Variants in MRPS16 observed in about 807,000 individuals in gnomAD.
MRPS16 encodes the protein mitochondrial ribosomal protein S16, also known as small ribosomal subunit protein bS16m.
MRPS16 carries 5 observed loss-of-function variants against 11.0 expected under a neutral mutation model. The ratio of observed to expected loss-of-function variants is 0.46; its 90% CI spans 0.24 to 0.96. MRPS16 has a LOEUF of 0.96. Among genes scored for constraint, MRPS16 ranks in the 40% least tolerant of loss-of-function variants. The pLI, the probability that MRPS16 is intolerant of heterozygous loss-of-function variation, is 0.20. For synonymous variants in MRPS16, 76 were observed against 65.0 expected (o/e 1.17, Z -0.81); for missense variants, 179 against 174.4 (o/e 1.03, Z -0.15).
rs2271906 is a variant in MRPS16 at position 73,252,040 on chromosome 10, G to A, written c.14-17C>T. The A allele has an allele frequency of 2.8e-4, 451 of 1,609,704 alleles. 5 individuals are homozygous for A. The East Asian group carries it at 5.6e-3, about 20-fold the overall frequency. On this transcript the variant is annotated splice_polypyrimidine_tract_variant and intron_variant, in intron 1 of 2. Transcript: ENST00000372945. ...GGAGAGTAGCTGTAGAAAAGCAGCT[G>A]GTTAGGACACAAAAAACAGCACAAA...
Position 73,249,053 on chromosome 10 carries a change from G to T in MRPS16, c.*1799C>A. 1.7e-6 allele frequency: 1 copy of T among 600,108 alleles called. No homozygotes were observed. 37.2% of individuals were successfully genotyped at this position (600,108 alleles called of 1,614,324 possible). A position where few individuals can be genotyped will look rare whatever the true frequency, so the allele number is the denominator to read the frequency against. On this transcript the variant is annotated 3_prime_UTR_variant, in exon 3 of 3. Transcript: ENST00000372945. ...ACTGCCTCAGCTTCCCGAGTAGCTGGAACTATGGGTGAGCAACACCACAGC... is the reference window on the plus strand; with the variant it reads ...ACTGCCTCAGCTTCCCGAGTAGCTGTAACTATGGGTGAGCAACACCACAGC...
chr10:73,252,559 A>G lies in MRPS16; in HGVS notation c.-77T>C. ...GCTCTACGGCCTTGGCAGGGCAGAGAACAAACACAGAAAGAACCTGCAAGC... is the reference window on the plus strand; with the variant it reads ...GCTCTACGGCCTTGGCAGGGCAGAGGACAAACACAGAAAGAACCTGCAAGC... On this transcript the variant is annotated 5_prime_UTR_variant, in exon 1 of 3. Transcript: ENST00000372945. 6.3e-7 allele frequency: 1 copy of G among 1,580,046 alleles called. No individual in the cohort carries two copies. Among genetic ancestry groups the G allele is most frequent in the Non-Finnish European group, 8.6e-7 (1 of 1,168,046 alleles).
At position 73,250,566 on chromosome 10, in the gene MRPS16, A is replaced by C; in HGVS notation, c.*286T>G. On this transcript the variant is annotated 3_prime_UTR_variant, in exon 3 of 3. Coordinates refer to ENST00000372945, the MANE Select transcript of MRPS16 (RefSeq NM_016065.4). ...GAAGTCTTGGAAGCCAGTAAATTGT[A>C]AAGTTGTCCAAGAGACCCAGAGCCC... The C allele has an allele frequency of 2.3e-6, 1 of 428,406 alleles. No individual in the cohort carries two copies. Among genetic ancestry groups the C allele is most frequent in the South Asian group, 2.2e-5 (1 of 44,968 alleles). The allele number at this position is 428,406 out of a possible 1,614,324, so 26.5% of individuals were successfully genotyped here. A position where few individuals can be genotyped will look rare whatever the true frequency, so the allele number is the denominator to read the frequency against.
At chr10:73,251,033 G>C in intron 2 of MRPS16, 42 bp from the exon 3 acceptor site, 1 of 1,608,556 alleles carries the variant, frequency 6.2e-7, no homozygotes, top group Non-Finnish European at 8.5e-7. Context: ...CACAGTATAA[G>C]CCAATGCTTC....
Position 73,249,186 on chromosome 10 carries a change from G to T in MRPS16, c.*1666C>A. On this transcript the variant is annotated 3_prime_UTR_variant, in exon 3 of 3. Coordinates refer to ENST00000372945, the MANE Select transcript of MRPS16 (RefSeq NM_016065.4). ...TTCCACCTCAGCCTCCCAAAGTGCTGAGATTACAGGTGTGAGCCACTGCCC... is the reference window on the plus strand; with the variant it reads ...TTCCACCTCAGCCTCCCAAAGTGCTTAGATTACAGGTGTGAGCCACTGCCC... The T allele has an allele frequency of 8.6e-7, 1 of 1,166,896 alleles. No homozygotes were observed. The allele number at this position is 1,166,896 out of a possible 1,614,324, so 72.3% of individuals were successfully genotyped here. A position where few individuals can be genotyped will look rare whatever the true frequency, so the allele number is the denominator to read the frequency against.
At chr10:73,251,056 G>T in intron 2 of MRPS16, 65 bp from the exon 3 acceptor site, 8 of 1,583,388 alleles carry the variant, frequency 5.1e-6, no homozygotes, top group Non-Finnish European at 6.9e-6. Context: ...TAGGAACTCT[G>T]TCTCACAGAA....
chr10:73,251,478 C>T (rs2044095117), intron 2 of MRPS16, among the ~76,000 whole-genome samples: 1 of 151,970 alleles, frequency 6.6e-6, no homozygotes, highest in South Asian at 2.1e-4. Flanking sequence ...TGGGTTCAAG[C>T]GATTCTCCTG....
At chr10:73,252,069 G>T in intron 1 of MRPS16, 46 bp from the exon 2 acceptor site, 1 of 1,591,492 alleles carries the variant, frequency 6.3e-7, no homozygotes, top group Admixed American at 1.8e-5. Flanking sequence ...GCACAAAAAG[G>T]ACAAAATGAC....
chr10:73,250,695 C>A lies in MRPS16; in HGVS notation c.*157G>T. The A allele has an allele frequency of 1.0e-6, 1 of 968,584 alleles. No homozygotes were observed. Among genetic ancestry groups the A allele is most frequent in the Non-Finnish European group, 1.6e-6 (1 of 624,090 alleles). The allele number at this position is 968,584 out of a possible 1,614,324, so 60.0% of individuals were successfully genotyped here. A position where few individuals can be genotyped will look rare whatever the true frequency, so the allele number is the denominator to read the frequency against. ...AGCTCTAAGTCACACAAGAACAAAT[C>A]TCTCCCTGGGCCCTGTGCAGGCCAG... On this transcript the variant is annotated 3_prime_UTR_variant, in exon 3 of 3. Coordinates refer to ENST00000372945, the MANE Select transcript of MRPS16 (RefSeq NM_016065.4).
At position 73,249,466 on chromosome 10, in the gene MRPS16, CA is replaced by C; in HGVS notation, c.*1385del. 1 of 749,440 alleles carries C rather than the reference CA, an allele frequency of 1.3e-6. No homozygotes were observed. The highest frequency in any genetic ancestry group is 1.9e-5 in the South Asian group (1 of 53,104). 46.4% of individuals were successfully genotyped at this position (749,440 alleles called of 1,614,324 possible). A position where few individuals can be genotyped will look rare whatever the true frequency, so the allele number is the denominator to read the frequency against. ...AAGAAGTAAAATGCAACACTCATTA[CA>C]GGTTGTCAACATTATTGGTATACAG... is the stretch of plus-strand genomic sequence containing the variant. On this transcript the variant is annotated 3_prime_UTR_variant, in exon 3 of 3. Transcript: ENST00000372945.
intron 2 of MRPS16, 42 bp from the exon 3 acceptor site, chr10:73,251,033 G>A (rs1177114726): frequency 1.2e-6 from 2 of 1,608,556 alleles, no homozygotes; most frequent in Admixed American, 1.7e-5. Flanking sequence ...CACAGTATAA[G>A]CCAATGCTTC....
intron 2 of MRPS16, among the ~76,000 whole-genome samples, chr10:73,251,222 CA>C (rs2044088188): frequency 6.6e-6 from 1 of 152,106 alleles, no homozygotes; most frequent in South Asian, 2.1e-4. Flanking sequence ...GATGGCCATT[CA>C]AAACATACTA....
intron 1 of MRPS16, 45 bp downstream of exon 1, chr10:73,252,425 G>A (rs1239007147): frequency 1.2e-6 from 2 of 1,608,554 alleles, no homozygotes; most frequent in Admixed American, 1.7e-5. Context: ...GAACTCCCGA[G>A]CCCCGTGACC....
At position 73,251,787 on chromosome 10, in the gene MRPS16, A is replaced by G. The variant is rs776052020; in HGVS notation, c.250T>C (p.Ser84Pro). The G allele has an allele frequency of 5.6e-6, 9 of 1,614,116 alleles. No homozygotes were observed. The African/African-American group carries it at 1.1e-4, about 19-fold the overall frequency. The change falls in exon 2 of 3, where the codon TCT becomes CCT. Residue 84 changes from serine (S) to proline (P), a missense_variant. Ser to Pro is a moderately conservative substitution (Grantham distance 74). Transcript: ENST00000372945. ...CCCAGAAGCTTTTCCATAGGCTTAGAGAGGTGGGCCCCGCAGCCAATCCAA... is the reference window on the plus strand; with the variant it reads ...CCCAGAAGCTTTTCCATAGGCTTAGGGAGGTGGGCCCCGCAGCCAATCCAA... ...RHWIGCGAHLSKPMEKLLGLA... is the reference protein window; with the variant it reads ...RHWIGCGAHLPKPMEKLLGLA...
intron 2 of MRPS16, among the ~76,000 whole-genome samples, chr10:73,251,377 CT>C (rs371844159): frequency 7.5e-4 from 110 of 146,524 alleles, no homozygotes; most frequent in South Asian, 1.5e-3. Flanking sequence ...TGAAATAACT[CT>C]TTTTTTTTTT....
At chr10:73,251,630 C>A (rs2044100078) in intron 2 of MRPS16, 133 bp downstream of exon 2, 4 of 1,293,936 alleles carry the variant, frequency 3.1e-6, no homozygotes, top group Non-Finnish European at 4.4e-6. Flanking sequence ...ATCCGCCCGC[C>A]TCGGCCTCCC....
chr10:73,249,995 CAGG>C lies in MRPS16; in HGVS notation c.*854_*856del, dbSNP rs886047188. 3 of 150,940 alleles carry C rather than the reference CAGG, an allele frequency of 2.0e-5. No homozygotes were observed. The East Asian group carries it at 5.8e-4, about 29-fold the overall frequency. The allele number at this position is 150,940 out of a possible 1,614,324, so 9.4% of individuals were successfully genotyped here. On this transcript the variant is annotated 3_prime_UTR_variant, in exon 3 of 3. Transcript: ENST00000372945. Reference sequence around the variant, plus strand: ...GGCCAAGGCGGGCGGATCACGAGGTCAGGAGATCAAAACCATCCTGGATAACAT... The same window carrying C: ...GGCCAAGGCGGGCGGATCACGAGGTCAGATCAAAACCATCCTGGATAACAT...
At position 73,249,362 on chromosome 10, in the gene MRPS16, T is replaced by A; in HGVS notation, c.*1490A>T. Reference sequence around the variant, plus strand: ...CAAATAAAAAAGTAGAACTAAAGTATACTGAAGTTATTCAAATACATTCAA... The same window carrying A: ...CAAATAAAAAAGTAGAACTAAAGTAAACTGAAGTTATTCAAATACATTCAA... On this transcript the variant is annotated 3_prime_UTR_variant, in exon 3 of 3. Coordinates refer to ENST00000372945, the MANE Select transcript of MRPS16 (RefSeq NM_016065.4). The A allele has an allele frequency of 6.6e-7, 1 of 1,517,644 alleles. No individual in the cohort carries two copies. Among genetic ancestry groups the A allele is most frequent in the Non-Finnish European group, 8.9e-7 (1 of 1,119,718 alleles). 94.0% of individuals were successfully genotyped at this position (1,517,644 alleles called of 1,614,324 possible).
In MRPS16 at chr10:73,250,674, C is replaced by T. The variant is rs1416128107; in HGVS notation, c.*178G>A. ...AGCTAATTAGTACCCACACCCAGCT[C>T]TAAGTCACACAAGAACAAATCTCTC... On this transcript the variant is annotated 3_prime_UTR_variant, in exon 3 of 3. Transcript: ENST00000372945. The T allele has an allele frequency of 1.2e-6, 1 of 818,024 alleles. No homozygotes were observed. The highest frequency in any genetic ancestry group is 2.0e-6 in the Non-Finnish European group (1 of 501,000). The allele number at this position is 818,024 out of a possible 1,614,324, so 50.7% of individuals were successfully genotyped here. A position where few individuals can be genotyped will look rare whatever the true frequency, so the allele number is the denominator to read the frequency against.
Sources: gnomAD v4.1 joint callset for allele counts (sites outside exome capture counted in the v4.1 genomes callset) on GRCh38, gnomAD v4.1.1 for gene constraint, MANE v1.5 for transcripts, NCBI Gene and HGNC (gene_info 2026-07-23, HGNC 2026-07-21) for gene names.